Variants in MROH2B observed in about 807,000 individuals in gnomAD.
The protein encoded by MROH2B is maestro heat like repeat family member 2B.
A neutral mutation model predicts 208.6 loss-of-function variants in MROH2B; 177 were observed. The observed-to-expected ratio is 0.85, with a 90% CI of 0.75 to 0.96. The LOEUF is 0.96. MROH2B is among the 40% of genes least tolerant of loss of function. The pLI, the probability that MROH2B is intolerant of heterozygous loss-of-function variation, is 0.00. For missense variants in MROH2B, 2,002 were observed against 1,878.7 expected (o/e 1.07, Z -1.21); for synonymous variants, 728 against 659.0 (o/e 1.10, Z -1.60).
At chr5:41,021,676 G>A (rs186489243) in intron 24 of MROH2B, among the ~76,000 whole-genome samples, 50 of 152,064 alleles carry the variant, frequency 3.3e-4, no homozygotes, top group East Asian at 1.9e-3. Context: ...CCAGGAGTTC[G>A]AGACCAGCCT....
At chr5:41,005,291 G>A (rs951948910) in intron 35 of MROH2B, 5 of 538,156 alleles carry the variant, frequency 9.3e-6, no homozygotes, top group Non-Finnish European at 1.3e-5. Flanking sequence ...CAGATTTATT[G>A]TCCCCCTTTC....
rs1025187809 is a variant in MROH2B at position 41,052,549 on chromosome 5, A to G, written c.1146T>C (p.Cys382=). ...NSVLLLIQTM[C]EKSYIEAREG... is the part of the protein sequence containing the mutation. ...CCCGAGCTTCAATATAGGACTTTTC[A>G]CACATGGTTTGGATGAGGAGAAGAA... The change falls in exon 12 of 42, where the codon TGT becomes TGC. Residue 382 remains cysteine, a synonymous_variant. Coordinates refer to ENST00000399564, the MANE Select transcript of MROH2B (RefSeq NM_173489.5). 1.2e-6 allele frequency: 2 copies of G among 1,612,324 alleles called. No individual in the cohort carries two copies. Among genetic ancestry groups the G allele is most frequent in the Middle Eastern group, 1.7e-4 (1 of 6,056 alleles).
intron 22 of MROH2B, 143 bp downstream of exon 22, chr5:41,033,695 T>C: frequency 1.5e-6 from 1 of 670,682 alleles, no homozygotes; most frequent in Non-Finnish European, 2.5e-6. Context: ...GATTCTGACT[T>C]CAGAATTGGA....
intron 24 of MROH2B, among the ~76,000 whole-genome samples, chr5:41,031,969 C>A (rs554891691): frequency 6.6e-6 from 1 of 152,128 alleles, no homozygotes; most frequent in South Asian, 2.1e-4. Context: ...TTTATCCAGT[C>A]GACCATGGAT....
Position 41,052,560 on chromosome 5 carries a change from G to C in MROH2B, c.1135C>G (p.Gln379Glu), listed in dbSNP as rs896053805. 5.6e-6 allele frequency: 9 copies of C among 1,610,984 alleles called. No homozygotes were observed. Among genetic ancestry groups the C allele is most frequent in the Non-Finnish European group, 7.6e-6 (9 of 1,178,300 alleles). The change falls in exon 12 of 42, where the codon CAA (glutamine) becomes GAA (glutamate). Residue 379 changes from glutamine (Q) to glutamate (E), a missense_variant. Gln to Glu is a conservative substitution (Grantham distance 29). Transcript: ENST00000399564. ...KVRNSVLLLIQTMCEKSYIEA... is the reference protein window; with the variant it reads ...KVRNSVLLLIETMCEKSYIEA... ...ATATAGGACTTTTCACACATGGTTT[G>C]GATGAGGAGAAGAACAGAATTTCTT...
Position 41,039,495 on chromosome 5 carries a change from G to C in MROH2B, c.2014C>G (p.Leu672Val), listed in dbSNP as rs1362264280. 6 of 1,606,494 alleles carry C rather than the reference G, an allele frequency of 3.7e-6. No homozygotes were observed. The Admixed American group carries it at 1.0e-4, about 27-fold the overall frequency. The change falls in exon 20 of 42, where the codon CTT becomes GTT. Residue 672 changes from leucine to valine, a missense_variant. Coordinates refer to ENST00000399564, the MANE Select transcript of MROH2B (RefSeq NM_173489.5). ...ENHLDIVLKV[L>V]KTFQNQEKFF... The stretch of plus-strand genomic sequence containing the variant: ...TTTTCCTGATTTTGGAATGTTTTAA[G>C]AACTTTTAAAACAATATCCAAATGG...
chr5:41,000,377 C>T (rs781573695), intron 38 of MROH2B, 26 bp from the exon 39 acceptor site: 3 of 1,609,242 alleles, frequency 1.9e-6, no homozygotes, highest in South Asian at 1.1e-5. Flanking sequence ...TTCTGCATCA[C>T]AGTCCAGAAC....
chr5:41,039,357 T>G, intron 20 of MROH2B, 91 bp downstream of exon 20: 2 of 718,818 alleles, frequency 2.8e-6, no homozygotes, highest in Admixed American at 2.8e-5. Flanking sequence ...GGGACAGGAG[T>G]AAGTATAATA....
At position 41,030,769 on chromosome 5, in the gene MROH2B, T is replaced by G. The variant is rs325824; in HGVS notation, c.2441+1973A>C. Among the ~76,000 whole-genome samples the G allele has an allele frequency of 2.9e-4, 44 of 152,168 alleles. No individual in the cohort carries two copies. The East Asian group carries it at 7.5e-3, about 26-fold the overall frequency. On this transcript the variant is annotated intron_variant, in intron 24 of 41. Coordinates refer to ENST00000399564, the MANE Select transcript of MROH2B (RefSeq NM_173489.5). ...ATGGCACTGGTATAAAAATAGGCAC[T>G]TAGACTGATGGAACAGAATAGAGAA...
chr5:41,070,923 G>C lies in MROH2B; in HGVS notation c.-71C>G, dbSNP rs1487643871. 2.6e-6 allele frequency: 4 copies of C among 1,525,956 alleles called. No homozygotes were observed. Among genetic ancestry groups the C allele is most frequent in the South Asian group, 2.4e-5 (2 of 84,600 alleles). The allele number at this position is 1,525,956 out of a possible 1,614,324, so 94.5% of individuals were successfully genotyped here. A position where few individuals can be genotyped will look rare whatever the true frequency, so the allele number is the denominator to read the frequency against. Reference sequence around the variant, plus strand: ...GAAATAGTAAGGCTAAAAAATCAAAGAGGCAGGTTGGCAAGTTTCTCATAT... The same window carrying C: ...GAAATAGTAAGGCTAAAAAATCAAACAGGCAGGTTGGCAAGTTTCTCATAT... On this transcript the variant is annotated 5_prime_UTR_variant, in exon 1 of 42. Transcript: ENST00000399564.
chr5:41,021,835 C>T (rs1229443063), intron 24 of MROH2B, among the ~76,000 whole-genome samples: 1 of 152,036 alleles, frequency 6.6e-6, no homozygotes, highest in Admixed American at 6.6e-5. Context: ...GAGATTGTGC[C>T]ACTGCACTCC....
intron 21 of MROH2B, among the ~76,000 whole-genome samples, chr5:41,035,331 A>G (rs1205317858): frequency 6.6e-6 from 1 of 152,042 alleles, no homozygotes; most frequent in East Asian, 1.9e-4. Context: ...AAAAAGCAAT[A>G]GGAAAAGGAC....
intron 30 of MROH2B, among the ~76,000 whole-genome samples, chr5:41,010,329 C>T (rs7706084): frequency 0.48 from 72,223 of 151,964 alleles, 17,276 homozygotes; most frequent in African/African-American, 0.51. Flanking sequence ...TTGCCATTGT[C>T]GGAATTTACC....
intron 24 of MROH2B, among the ~76,000 whole-genome samples, chr5:41,031,048 A>G (rs751154501): frequency 3.3e-4 from 50 of 152,134 alleles, no homozygotes; most frequent in Non-Finnish European, 6.0e-4. Context: ...ACTCTGTTAT[A>G]AAAATGGAGG....
In MROH2B at chr5:41,067,887, C is replaced by G. The variant is rs187865253; in HGVS notation, c.91-669G>C. ...TCAGCTTAATTGCTGCCCTTACTAT[C>G]AGGGAGTGATATGGTACTAGGGAAC... On this transcript the variant is annotated intron_variant, in intron 2 of 41. Transcript: ENST00000399564. 3.0e-3 allele frequency among the ~76,000 whole-genome samples: 461 copies of G among 152,270 alleles called. 2 individuals are homozygous for G. The highest frequency in any genetic ancestry group is 0.01 in the African/African-American group (433 of 41,558).
chr5:41,065,521 A>G, intron 3 of MROH2B, 31 bp from the exon 4 acceptor site: 1 of 1,597,804 alleles, frequency 6.3e-7, no homozygotes. Flanking sequence ...AACAATAACA[A>G]CTAGAAAAGG....
chr5:41,007,801 C>T (rs1264711644), intron 33 of MROH2B, among the ~76,000 whole-genome samples: 1 of 152,210 alleles, frequency 6.6e-6, no homozygotes. Context: ...TACAATTGTT[C>T]TTGGCCAGAC....
rs754534530 is a variant in MROH2B, at chr5:41,007,373, G to A, written c.3690C>T (p.Asn1230=). ...GLAKESDEGD[N]LWTLLSSPST... is the part of the protein sequence containing the mutation. ...TAGGACTGCTGAGTAGAGTCCATAA[G>A]TTGTCCCCCTCATCAGATTCCTTTG... Residue 1230 remains asparagine (N), a synonymous_variant, in exon 34 of 42, where the codon AAC becomes AAT. Transcript: ENST00000399564. The A allele has an allele frequency of 1.8e-4, 282 of 1,549,766 alleles. No individual in the cohort carries two copies. Among genetic ancestry groups the A allele is most frequent in the Non-Finnish European group, 2.4e-4 (272 of 1,145,704 alleles).
chr5:41,001,623 G>A (rs182306230), intron 37 of MROH2B, among the ~76,000 whole-genome samples: 18 of 152,096 alleles, frequency 1.2e-4, no homozygotes, highest in Middle Eastern at 3.4e-3. Context: ...AGGGTGAGGC[G>A]TGAGAATTGC....
Sources: gnomAD v4.1 joint callset for allele counts (sites outside exome capture counted in the v4.1 genomes callset) on GRCh38, gnomAD v4.1.1 for gene constraint, MANE v1.5 for transcripts, NCBI Gene and HGNC (gene_info 2026-07-23, HGNC 2026-07-21) for gene names.